Variants in LGSN observed in about 807,000 individuals in gnomAD.
The protein encoded by LGSN is lengsin.
LGSN carries 21 observed loss-of-function variants against 19.5 expected under a neutral mutation model. That is an observed-to-expected ratio of 1.07 (90% CI 0.76 to 1.55). The LOEUF is 1.55. Among genes scored for constraint, LGSN ranks in the 40% most tolerant of loss-of-function variants. LGSN has a pLI of 0.00. For missense variants in LGSN, 673 were observed against 608.5 expected (o/e 1.11, Z -1.12); for synonymous variants, 257 against 215.6 (o/e 1.19, Z -1.68).
the LGSN span, among the ~76,000 whole-genome samples, chr6:63,547,772 A>G: frequency 1.3e-5 from 2 of 151,450 alleles, no homozygotes; most frequent in South Asian, 2.1e-4. Flanking sequence ...CGGCCTCCCA[A>G]AGTGCTGGGA....
intron 1 of LGSN, among the ~76,000 whole-genome samples, chr6:63,318,553 C>T (rs1204987107): frequency 2.0e-5 from 3 of 152,158 alleles, no homozygotes; most frequent in Non-Finnish European, 2.9e-5. Flanking sequence ...ATACAATGCT[C>T]TATTCCAACT....
chr6:63,277,221 C>G lies in LGSN; in HGVS notation c.*2800G>C, dbSNP rs1767127914. 2.6e-5 allele frequency: 4 copies of G among 152,286 alleles called. No homozygotes were observed. In the Middle Eastern group the frequency reaches 0.014, roughly 518 times the overall value. 9.4% of individuals were successfully genotyped at this position (152,286 alleles called of 1,614,324 possible). On this transcript the variant is annotated 3_prime_UTR_variant, in exon 4 of 4. Transcript: ENST00000370657. ...ACTGTGATTATCAGACTTTTTACAG[C>G]ATCTTTACTCATTATGGTAAAATGA...
chr6:63,544,188 T>C, the LGSN span, among the ~76,000 whole-genome samples: 6 of 152,146 alleles, frequency 3.9e-5, no homozygotes, highest in African/African-American at 9.7e-5. Flanking sequence ...TCATCTTAGT[T>C]TTCTAAACAT....
the LGSN span, among the ~76,000 whole-genome samples, chr6:63,337,317 G>T: frequency 1.3e-5 from 2 of 151,586 alleles, no homozygotes; most frequent in Non-Finnish European, 2.9e-5. Flanking sequence ...ACAAAAATTA[G>T]CCAGGCATGG....
chr6:63,455,967 C>T, the LGSN span, among the ~76,000 whole-genome samples: 6 of 151,432 alleles, frequency 4.0e-5, no homozygotes, highest in Admixed American at 6.6e-5. Context: ...CAGTGGCTCA[C>T]GCCTGTAATC....
At chr6:63,332,840 G>A in the LGSN span, among the ~76,000 whole-genome samples, 2 of 152,094 alleles carry the variant, frequency 1.3e-5, no homozygotes, top group Admixed American at 6.5e-5. Flanking sequence ...AAGTCCCTTC[G>A]TGGTCACCAA....
the LGSN span, among the ~76,000 whole-genome samples, chr6:63,515,974 A>G: frequency 6.6e-6 from 1 of 152,350 alleles, no homozygotes; most frequent in African/African-American, 2.4e-5. Context: ...GCTATCATTT[A>G]TCTTGAAAAA....
At chr6:63,516,546 T>G in the LGSN span, among the ~76,000 whole-genome samples, 2 of 152,228 alleles carry the variant, frequency 1.3e-5, no homozygotes, top group Non-Finnish European at 2.9e-5. Context: ...TAACTTCTTA[T>G]GACTCAATTT....
chr6:63,373,687 G>C, the LGSN span, among the ~76,000 whole-genome samples: 4 of 152,128 alleles, frequency 2.6e-5, no homozygotes, highest in Non-Finnish European at 5.9e-5. Context: ...AAGGGCATCT[G>C]TGGGGCAGGG....
the LGSN span, among the ~76,000 whole-genome samples, chr6:63,497,501 C>T: frequency 2.6e-5 from 4 of 151,972 alleles, no homozygotes; most frequent in Admixed American, 2.6e-4. Context: ...TGCAGTGAGC[C>T]GAGATCATGC....
chr6:63,406,115 C>G, the LGSN span, among the ~76,000 whole-genome samples: 1 of 152,244 alleles, frequency 6.6e-6, no homozygotes, highest in South Asian at 2.1e-4. Flanking sequence ...TTAGACAGAT[C>G]AACAAGGCAG....
the LGSN span, among the ~76,000 whole-genome samples, chr6:63,569,574 C>T: frequency 6.6e-6 from 1 of 152,182 alleles, no homozygotes; most frequent in African/African-American, 2.4e-5. Context: ...GCTCAACTTC[C>T]TTATAATATT....
intron 3 of LGSN, among the ~76,000 whole-genome samples, chr6:63,285,324 A>T (rs1374962476): frequency 6.6e-6 from 1 of 152,214 alleles, no homozygotes; most frequent in South Asian, 2.1e-4. Flanking sequence ...AAATTATTCA[A>T]GGCAGGACTA....
chr6:63,380,064 C>G, the LGSN span, among the ~76,000 whole-genome samples: 22 of 152,250 alleles, frequency 1.4e-4, no homozygotes, highest in African/African-American at 5.3e-4. Context: ...GTCTCGAACT[C>G]CTGACCTCAG....
chr6:63,469,286 A>T, the LGSN span, among the ~76,000 whole-genome samples: 19 of 152,218 alleles, frequency 1.2e-4, no homozygotes, highest in African/African-American at 4.6e-4. Flanking sequence ...TCTGTAAGAA[A>T]TAAAGGCTGC....
the LGSN span, among the ~76,000 whole-genome samples, chr6:63,342,872 T>G: frequency 6.6e-6 from 1 of 152,210 alleles, no homozygotes; most frequent in African/African-American, 2.4e-5. Flanking sequence ...ACCAATCATG[T>G]TTCCTGCAGT....
the LGSN span, among the ~76,000 whole-genome samples, chr6:63,412,803 AAGG>A: frequency 6.7e-6 from 1 of 149,128 alleles, no homozygotes. Context: ...GAAAGGAAAG[AAGG>A]AAGGAAGGAA....
the LGSN span, among the ~76,000 whole-genome samples, chr6:63,427,694 C>G: frequency 6.6e-6 from 1 of 152,172 alleles, no homozygotes; most frequent in African/African-American, 2.4e-5. Context: ...TATTATAAAT[C>G]TGTTTTCTCC....
the LGSN span, among the ~76,000 whole-genome samples, chr6:63,510,539 A>C: frequency 7.4e-6 from 1 of 135,614 alleles, no homozygotes; most frequent in African/African-American, 2.8e-5. Context: ...CCCTTATTCT[A>C]TTCCCCCAGA....
Sources: gnomAD v4.1 joint callset for allele counts (sites outside exome capture counted in the v4.1 genomes callset) on GRCh38, gnomAD v4.1.1 for gene constraint, MANE v1.5 for transcripts, NCBI Gene and HGNC (gene_info 2026-07-23, HGNC 2026-07-21) for gene names.